Variants in CYP3A43 observed in about 807,000 individuals in gnomAD.
CYP3A43 encodes the protein cytochrome P450 3A43.
Under a neutral mutation model 58.0 loss-of-function variants are expected in CYP3A43, and 45 were observed. That is an observed-to-expected ratio of 0.78 (90% CI 0.61 to 0.99). The LOEUF (loss-of-function observed/expected upper bound fraction) is 0.99, where lower values mean the gene tolerates loss of function less well. CYP3A43 is among the 50% of genes least tolerant of loss of function. CYP3A43 has a pLI of 0.00. For synonymous variants in CYP3A43, 191 were observed against 201.4 expected (o/e 0.95, Z 0.44); for missense variants, 593 against 591.9 (o/e 1.00, Z -0.02).
chr7:99,839,333 A>G, intron 3 of CYP3A43, 161 bp downstream of exon 3: 1 of 848,486 alleles, frequency 1.2e-6, no homozygotes, highest in East Asian at 2.6e-5. Context: ...TGATCTGGGA[A>G]TTGAGCATTG....
At position 99,829,238 on chromosome 7, in the gene CYP3A43, A is replaced by T. The variant is rs928489176; in HGVS notation, c.71+1052A>T. ...TTCATCAAGACAGGGGAATTGTAAT[A>T]GAGAATGAGTTAATACATGCTGCCA... is the stretch of plus-strand genomic sequence containing the variant. On this transcript the variant is annotated intron_variant, in intron 1 of 12. Coordinates refer to ENST00000354829, the MANE Select transcript of CYP3A43 (RefSeq NM_057095.3). 3.9e-5 allele frequency among the ~76,000 whole-genome samples: 6 copies of T among 152,232 alleles called. No homozygotes were observed. The East Asian group carries it at 1.2e-3, about 29-fold the overall frequency.
At position 99,838,474 on chromosome 7, in the gene CYP3A43, C is replaced by T. The variant is rs1380359776; in HGVS notation, c.166-646C>T. ...GTCAGCCTCGGTTTCTTCATGTTCC[C>T]ATGGTGGTGATAATTCAGGGGTTTA... On this transcript the variant is annotated intron_variant, in intron 2 of 12. Transcript: ENST00000354829. 2.0e-5 allele frequency among the ~76,000 whole-genome samples: 3 copies of T among 152,164 alleles called. No individual in the cohort carries two copies. In the East Asian group the frequency reaches 5.8e-4, roughly 29 times the overall value.
rs1816699003 is a variant in CYP3A43, at chr7:99,828,146, A to T, written c.31A>T (p.Thr11Ser). The part of the protein sequence containing the change: MDLIPNFAME[T>S]WVLVATSLVL... ...TCTCATTCCAAACTTTGCCATGGAA[A>T]CATGGGTTCTTGTGGCTACCAGCCT... Residue 11 changes from threonine to serine, a missense_variant, in exon 1 of 13, where the codon ACA (threonine) becomes TCA (serine). Coordinates refer to ENST00000354829, the MANE Select transcript of CYP3A43 (RefSeq NM_057095.3). The T allele has an allele frequency of 1.2e-6, 2 of 1,613,240 alleles. No homozygotes were observed. Among genetic ancestry groups the T allele is most frequent in the Non-Finnish European group, 1.7e-6 (2 of 1,179,464 alleles).
At chr7:99,837,033 C>T (rs1210034099) in intron 2 of CYP3A43, among the ~76,000 whole-genome samples, 1 of 151,518 alleles carries the variant, frequency 6.6e-6, no homozygotes, top group Non-Finnish European at 1.5e-5. Flanking sequence ...TGGCTGGGCG[C>T]GGTGGCTCAC....
intron 2 of CYP3A43, among the ~76,000 whole-genome samples, chr7:99,838,390 G>C (rs948539687): frequency 6.6e-6 from 1 of 152,194 alleles, no homozygotes; most frequent in Non-Finnish European, 1.5e-5. Context: ...TAAATGAAAA[G>C]GATGCTGAAC....
At chr7:99,847,961 A>G (rs1817600298) in intron 5 of CYP3A43, 4 of 595,244 alleles carry the variant, frequency 6.7e-6, no homozygotes, top group Non-Finnish European at 1.2e-5. Context: ...CAATGAGCCA[A>G]GATTGCGCCG....
intron 1 of CYP3A43, among the ~76,000 whole-genome samples, chr7:99,831,566 T>C (rs966752399): frequency 3.9e-5 from 6 of 152,196 alleles, no homozygotes; most frequent in Non-Finnish European, 7.4e-5. Flanking sequence ...TTTCCTCCAG[T>C]CTTCCATCCC....
At chr7:99,842,010 A>C (rs182582502) in intron 3 of CYP3A43, among the ~76,000 whole-genome samples, 71 of 152,352 alleles carry the variant, frequency 4.7e-4, no homozygotes, top group African/African-American at 1.6e-3. Flanking sequence ...ATTGTCAATG[A>C]CAAAATAGTG....
rs777461615 is a variant in CYP3A43 at position 99,863,552 on chromosome 7, C to T, written c.1269C>T (p.Asn423=). 4 of 1,601,778 alleles carry T rather than the reference C, an allele frequency of 2.5e-6. No homozygotes were observed. Among genetic ancestry groups the T allele is most frequent in the Non-Finnish European group, 3.4e-6 (4 of 1,176,392 alleles). ...KFCPERFSKK[N]KDSIDLYRYI... ...GTGAAAGTAGGTTCAGTAAGAAGAA[C>T]AAGGACAGCATAGATCTTTACAGAT... The change falls in exon 12 of 13, where the codon AAC becomes AAT. Residue 423 remains asparagine (N), a synonymous_variant. Transcript: ENST00000354829.
At chr7:99,828,380 T>G (rs1297413816) in intron 1 of CYP3A43, among the ~76,000 whole-genome samples, 194 bp downstream of exon 1, 1 of 152,162 alleles carries the variant, frequency 6.6e-6, no homozygotes, top group Non-Finnish European at 1.5e-5. Context: ...ATGTAAAATT[T>G]AGTCTGGGTG....
At chr7:99,860,196 C>T (rs1285613066) in intron 10 of CYP3A43, among the ~76,000 whole-genome samples, 1 of 152,192 alleles carries the variant, frequency 6.6e-6, no homozygotes, top group Non-Finnish European at 1.5e-5. Context: ...CTTTGTGAAA[C>T]AGTGCTGGTC....
At position 99,839,142 on chromosome 7, in the gene CYP3A43, AATGT is replaced by A. The variant is rs1817219478; in HGVS notation, c.190_193del (p.Cys64MetfsTer25). 6.2e-7 allele frequency: 1 copy of A among 1,614,022 alleles called. No individual in the cohort carries two copies. Among genetic ancestry groups the A allele is most frequent in the Non-Finnish European group, 8.5e-7 (1 of 1,180,030 alleles). On this transcript the variant is annotated frameshift_variant, in exon 3 of 13. Transcript: ENST00000354829. LOFTEE classifies it high-confidence loss of function. ...CAGGGTCTTTGGAATTTTGACAGAG[AATGT>A]AATGAAAAATACGGAGAAATGTGGG... is the stretch of plus-strand genomic sequence containing the variant.
At chr7:99,854,120 A>AT (rs1212321468) in intron 7 of CYP3A43, among the ~76,000 whole-genome samples, 1 of 151,718 alleles carries the variant, frequency 6.6e-6, no homozygotes. Context: ...CTTTCTAACT[A>AT]TTTTTTGTAA....
intron 2 of CYP3A43, among the ~76,000 whole-genome samples, chr7:99,837,744 A>G (rs184731875): frequency 6.6e-6 from 1 of 152,350 alleles, no homozygotes; most frequent in East Asian, 1.9e-4. Context: ...AGGAGGTAAT[A>G]TGTGTCTCAT....
intron 7 of CYP3A43, among the ~76,000 whole-genome samples, chr7:99,855,206 GT>G (rs1817925988): frequency 6.6e-6 from 1 of 152,094 alleles, no homozygotes; most frequent in South Asian, 2.1e-4. Context: ...GACATTTGCC[GT>G]ATTGTTTCTA....
At chr7:99,834,852 C>T (rs1017106409) in intron 1 of CYP3A43, among the ~76,000 whole-genome samples, 1 of 152,142 alleles carries the variant, frequency 6.6e-6, no homozygotes, top group Non-Finnish European at 1.5e-5. Context: ...TAGGGTTAAG[C>T]GAAGTGAAGT....
At chr7:99,865,830 T>A in intron 12 of CYP3A43, 76 bp from the exon 13 acceptor site, 1 of 1,046,634 alleles carries the variant, frequency 9.6e-7, no homozygotes, top group South Asian at 1.7e-5. Context: ...ACCCTTGATG[T>A]CATCTTTTTT....
intron 3 of CYP3A43, among the ~76,000 whole-genome samples, chr7:99,841,931 A>G (rs568533809): frequency 6.6e-6 from 1 of 152,316 alleles, no homozygotes; most frequent in East Asian, 1.9e-4. Context: ...TTCTTTGCAT[A>G]ACAAGGCCAC....
At chr7:99,854,637 C>T (rs1817902041) in intron 7 of CYP3A43, among the ~76,000 whole-genome samples, 1 of 152,028 alleles carries the variant, frequency 6.6e-6, no homozygotes, top group African/African-American at 2.4e-5. Flanking sequence ...CTTCATTTTT[C>T]AGTGTGTTAT....
Sources: gnomAD v4.1 joint callset for allele counts (sites outside exome capture counted in the v4.1 genomes callset) on GRCh38, gnomAD v4.1.1 for gene constraint, MANE v1.5 for transcripts, NCBI Gene and HGNC (gene_info 2026-07-23, HGNC 2026-07-21) for gene names.